The following NBEA variants were observed in gnomAD, a reference collection of about 807,000 sequenced individuals.
The protein encoded by NBEA is lysosomal-trafficking regulator 2.
NBEA carries 44 observed loss-of-function variants against 343.4 expected under a neutral mutation model. The observed-to-expected ratio is 0.13, with a 90% CI of 0.10 to 0.16. NBEA has a LOEUF of 0.16. Among genes scored for constraint, NBEA ranks in the 10% least tolerant of loss-of-function variants. The pLI is 1.00. For synonymous variants in NBEA, 1,175 were observed against 1,238.7 expected (o/e 0.95, Z 1.08); for missense variants, 2,555 against 3,631.3 (o/e 0.70, Z 7.62).
At chr13:35,466,658 G>A (rs1457517719) in intron 40 of NBEA, among the ~76,000 whole-genome samples, 2 of 152,026 alleles carry the variant, frequency 1.3e-5, no homozygotes, top group Non-Finnish European at 2.9e-5. Flanking sequence ...TCATAGAGAT[G>A]AGATCTCGCT....
intron 35 of NBEA, among the ~76,000 whole-genome samples, chr13:35,297,009 C>T (rs1012194605): frequency 2.0e-5 from 3 of 151,906 alleles, no homozygotes; most frequent in Admixed American, 1.3e-4. Flanking sequence ...CCCTCAGCTT[C>T]CTCCAATAGT....
intron 34 of NBEA, among the ~76,000 whole-genome samples, chr13:35,283,810 G>A (rs1049763536): frequency 2.0e-5 from 3 of 152,114 alleles, no homozygotes; most frequent in East Asian, 1.9e-4. Flanking sequence ...TTACATGAAA[G>A]CTTTCAGTTT....
intron 49 of NBEA, among the ~76,000 whole-genome samples, chr13:35,641,809 G>T (rs1245809736): frequency 6.6e-6 from 1 of 151,518 alleles, no homozygotes; most frequent in African/African-American, 2.4e-5. Context: ...TGTAGATGGT[G>T]GTTAGAAGAA....
Position 35,128,091 on chromosome 13 carries a change from G to T in NBEA, c.2336+4517G>T, listed in dbSNP as rs71438061. ...AAGTACAAAGAAAGCAGAAAGGGGT[G>T]GGGGGAGGGGGGAGGGATGGCATTG... On this transcript the variant is annotated intron_variant, in intron 17 of 58. Coordinates refer to ENST00000379939, the MANE Select transcript of NBEA (RefSeq NM_001385012.1). 2.9e-3 allele frequency among the ~76,000 whole-genome samples: 331 copies of T among 114,288 alleles called. 3 individuals are homozygous for T. The highest frequency in any genetic ancestry group is 3.9e-3 in the Non-Finnish European group (231 of 58,668). The allele number at this position is 114,288 out of a possible 152,430, so 75.0% of individuals were successfully genotyped here. A position where few individuals can be genotyped will look rare whatever the true frequency, so the allele number is the denominator to read the frequency against.
chr13:35,642,653 G>A (rs1378264325), intron 49 of NBEA, among the ~76,000 whole-genome samples: 2 of 152,208 alleles, frequency 1.3e-5, no homozygotes, highest in African/African-American at 2.4e-5. Flanking sequence ...GGTCATGTGA[G>A]TGGTGGGCGT....
At chr13:34,984,033 TTAATTGACAAATCCC>T (rs2060457900) in intron 1 of NBEA, among the ~76,000 whole-genome samples, 1 of 152,172 alleles carries the variant, frequency 6.6e-6, no homozygotes, top group Admixed American at 6.5e-5. Flanking sequence ...TTAATTTAGT[TTAATTGACAAATCCC>T]ATTTGTCAAT....
intron 7 of NBEA, among the ~76,000 whole-genome samples, chr13:35,056,972 T>C (rs2063291444): frequency 1.3e-5 from 2 of 152,116 alleles, no homozygotes; most frequent in Non-Finnish European, 1.5e-5. Flanking sequence ...TCTACCAGTA[T>C]ATTAGCAGGG....
chr13:35,050,945 G>A (rs2063045048), intron 6 of NBEA, among the ~76,000 whole-genome samples: 1 of 151,860 alleles, frequency 6.6e-6, no homozygotes, highest in Admixed American at 6.6e-5. Context: ...TCAAATAATA[G>A]CAGAGACAAG....
chr13:35,181,836 T>C (rs2071341697), intron 28 of NBEA, among the ~76,000 whole-genome samples: 1 of 151,810 alleles, frequency 6.6e-6, no homozygotes, highest in Non-Finnish European at 1.5e-5. Flanking sequence ...CTGGCTCATA[T>C]TGAGCTTATG....
At chr13:35,310,484 G>T (rs988921692) in intron 36 of NBEA, among the ~76,000 whole-genome samples, 1 of 152,088 alleles carries the variant, frequency 6.6e-6, no homozygotes, top group African/African-American at 2.4e-5. Flanking sequence ...CACGCTTTGC[G>T]GGCATGGCTG....
chr13:35,656,307 C>T (rs1257431412), intron 55 of NBEA, among the ~76,000 whole-genome samples: 1 of 152,178 alleles, frequency 6.6e-6, no homozygotes, highest in South Asian at 2.1e-4. Context: ...TTCCACAGTG[C>T]ACCCTAAGAT....
chr13:35,457,678 G>T (rs763626721), intron 40 of NBEA, among the ~76,000 whole-genome samples: 3 of 152,026 alleles, frequency 2.0e-5, no homozygotes, highest in Non-Finnish European at 4.4e-5. Context: ...GCGAGATCTC[G>T]GTTCACTGCA....
intron 35 of NBEA, among the ~76,000 whole-genome samples, chr13:35,297,606 G>A (rs139168105): frequency 8.7e-4 from 133 of 152,020 alleles, no homozygotes; most frequent in African/African-American, 3.1e-3. Flanking sequence ...TTGCAGTTTC[G>A]TGAAGTCACT....
chr13:35,171,523 C>A, intron 26 of NBEA, 71 bp downstream of exon 26: 6 of 1,199,252 alleles, frequency 5.0e-6, no homozygotes, highest in East Asian at 2.4e-5. Context: ...CACTATGGTA[C>A]ATAAAATATT....
intron 17 of NBEA, among the ~76,000 whole-genome samples, chr13:35,134,188 A>G (rs1185302587): frequency 6.6e-6 from 1 of 152,064 alleles, no homozygotes; most frequent in East Asian, 1.9e-4. Context: ...ATGCAAAAGA[A>G]CTTGATAAAA....
At chr13:35,426,755 C>A (rs1269473537) in intron 38 of NBEA, among the ~76,000 whole-genome samples, 2 of 152,104 alleles carry the variant, frequency 1.3e-5, no homozygotes, top group Non-Finnish European at 2.9e-5. Context: ...CAACTTGGTT[C>A]CATTCTCCCC....
chr13:35,287,734 A>G (rs954747297), intron 34 of NBEA, among the ~76,000 whole-genome samples: 1 of 152,040 alleles, frequency 6.6e-6, no homozygotes, highest in Admixed American at 6.6e-5. Context: ...TTAATGCCAA[A>G]CTATTCATGT....
chr13:35,320,584 C>G (rs1029192803), intron 36 of NBEA, among the ~76,000 whole-genome samples: 20 of 152,116 alleles, frequency 1.3e-4, no homozygotes, highest in African/African-American at 4.3e-4. Flanking sequence ...TGGGGTTGCT[C>G]TTCTCGAGGA....
At chr13:35,639,851 A>G (rs1008977357) in intron 49 of NBEA, among the ~76,000 whole-genome samples, 1 of 151,942 alleles carries the variant, frequency 6.6e-6, no homozygotes, top group Non-Finnish European at 1.5e-5. Context: ...AGATGGATGA[A>G]TAGGTCATTT....
Sources: allele counts gnomAD v4.1 joint callset (sites outside exome capture counted in the v4.1 genomes callset), GRCh38; gene constraint gnomAD v4.1.1; transcripts MANE v1.5; gene names NCBI Gene and HGNC (gene_info 2026-07-23, HGNC 2026-07-21).